NBPF19: variants seen among roughly 807,000 people sequenced by gnomAD.
NBPF19 encodes the protein NBPF member 19.
Under a neutral mutation model 45.9 loss-of-function variants are expected in NBPF19, and 30 were observed. That is an observed-to-expected ratio of 0.65 (90% CI 0.49 to 0.89). NBPF19 has a LOEUF of 0.89. Ranked by LOEUF, NBPF19 falls within the 40% of genes least tolerant of loss-of-function variation. The pLI is 0.00. For synonymous variants in NBPF19, 183 were observed against 181.2 expected, an observed-to-expected ratio of 1.01 and a Z score of -0.08; for missense variants, 495 against 471.8, an observed-to-expected ratio of 1.05 and a Z score of -0.46.
chr1:149,484,501 AATATAT>A (rs1553710000), intron 7 of NBPF19, among the ~76,000 whole-genome samples: 1 of 140,578 alleles, frequency 7.1e-6, no homozygotes. Flanking sequence ...TATTAAAAAA[AATATAT>A]ATATATATAC....
At position 149,555,074 on chromosome 1, in the gene NBPF19, A is replaced by C. The variant is rs1230230295; in HGVS notation, c.*336A>C. On this transcript the variant is annotated 3_prime_UTR_variant, in exon 94 of 94. Coordinates refer to ENST00000651566, the MANE Select transcript of NBPF19 (RefSeq NM_001351365.2). ...TGTCTCTGAGCTTCTATACCTGCTC[A>C]AGGTCAGTGTCATCTTTGTGTTTAG... 3 of 380,232 alleles carry C rather than the reference A, an allele frequency of 7.9e-6. No homozygotes were observed. Among genetic ancestry groups the C allele is most frequent in the Non-Finnish European group, 1.5e-5 (3 of 204,020 alleles). 23.6% of individuals were successfully genotyped at this position (380,232 alleles called of 1,614,324 possible).
intron 7 of NBPF19, among the ~76,000 whole-genome samples, chr1:149,484,494 TA>T (rs1332210179): frequency 1.2e-4 from 17 of 144,534 alleles, no homozygotes; most frequent in African/African-American, 2.6e-4. Context: ...CTTAAAGTAT[TA>T]AAAAAAATAT....
At position 149,554,700 on chromosome 1, in the gene NBPF19, C is replaced by T. The variant is rs1478273370; in HGVS notation, c.11494C>T (p.His3832Tyr). ...RFFTLTVTSLHLVFQMLVIFP... is the reference protein window; with the variant it reads ...RFFTLTVTSLYLVFQMLVIFP... ...TTTTACTTTGACGGTGACAAGTCTC[C>T]ATCTGGTGTTCCAGATGTTAGTCAT... Residue 3832 changes from histidine to tyrosine, a missense_variant, in exon 94 of 94, where the codon CAT (histidine) becomes TAT (tyrosine). By Grantham distance (83) the His-to-Tyr change is moderately conservative (BLOSUM62 2). Transcript: ENST00000651566. 5.8e-5 allele frequency: 93 copies of T among 1,608,120 alleles called. 3 individuals are homozygous for T. In the South Asian group the frequency reaches 9.7e-4, roughly 17 times the overall value.
intron 3 of NBPF19, 29 bp downstream of exon 3, chr1:149,478,076 G>A (rs1420369668): frequency 8.4e-6 from 13 of 1,546,174 alleles, no homozygotes; most frequent in African/African-American, 1.4e-5. Flanking sequence ...GGGAGGGCAG[G>A]CGGGTAGGTG....
At chr1:149,491,030 A>G (rs1214977445) in intron 13 of NBPF19, 109 bp from the exon 14 acceptor site, 1 of 451,072 alleles carries the variant, frequency 2.2e-6, no homozygotes, top group Non-Finnish European at 3.8e-6. Flanking sequence ...TAATGGATCT[A>G]TCCTTTTACT....
chr1:149,521,094 C>G (rs1287427630), intron 51 of NBPF19, among the ~76,000 whole-genome samples: 1 of 82,930 alleles, frequency 1.2e-5, no homozygotes, highest in Non-Finnish European at 2.6e-5. Context: ...CTGTCTCTCT[C>G]TCTGTCTCTG....
In NBPF19 at chr1:149,484,443, A is replaced by G. The variant is rs1190091150; in HGVS notation, c.825-1687A>G. 1.9e-4 allele frequency among the ~76,000 whole-genome samples: 28 copies of G among 144,520 alleles called. 2 individuals carry two copies. Among genetic ancestry groups the G allele is most frequent in the African/African-American group, 6.5e-4 (25 of 38,538 alleles). 94.8% of individuals were successfully genotyped at this position (144,520 alleles called of 152,430 possible). Reference sequence around the variant, plus strand: ...AGCACGCCAATGTGGACATGTATACATATGTAACTAACCTGCACGTTGTGC... The same window carrying G: ...AGCACGCCAATGTGGACATGTATACGTATGTAACTAACCTGCACGTTGTGC... On this transcript the variant is annotated intron_variant, in intron 7 of 93. Coordinates refer to ENST00000651566, the MANE Select transcript of NBPF19 (RefSeq NM_001351365.2).
chr1:149,488,292 G>C, intron 10 of NBPF19, 107 bp downstream of exon 10: 1 of 576,740 alleles, frequency 1.7e-6, no homozygotes, highest in South Asian at 2.0e-5. Context: ...CATTGCCACA[G>C]GGAGGACCTA....
intron 9 of NBPF19, 137 bp downstream of exon 9, chr1:149,487,520 T>C (rs2085619652): frequency 9.0e-6 from 9 of 999,732 alleles, no homozygotes; most frequent in East Asian, 2.4e-5. Context: ...CATTGCTTTT[T>C]TGTTCTCATT....
At position 149,490,921 on chromosome 1, in the gene NBPF19, C is replaced by CGTGT. The variant is rs1159751982; in HGVS notation, c.1491-197_1491-194dup. On this transcript the variant is annotated intron_variant, in intron 13 of 93. Transcript: ENST00000651566. ...CTCTGTGTGTGTGTGTGTGTGTGTG[C>CGTGT]GTGTGTGTGTGTGTGTGTGTGTGTC... is the stretch of plus-strand genomic sequence containing the variant. Among the ~76,000 whole-genome samples, 307 of 126,020 alleles carry CGTGT rather than the reference C, an allele frequency of 2.4e-3. 23 individuals are homozygous for CGTGT. The highest frequency in any genetic ancestry group is 3.1e-3 in the African/African-American group (98 of 31,638). The allele number at this position is 126,020 out of a possible 152,430, so 82.7% of individuals were successfully genotyped here.
chr1:149,554,522 A>G lies in NBPF19; in HGVS notation c.11316A>G (p.Glu3772=). Residue 3772 remains glutamate (E), a synonymous_variant, in exon 94 of 94, where the codon GAA becomes GAG. Coordinates refer to ENST00000651566, the MANE Select transcript of NBPF19 (RefSeq NM_001351365.2). ...TCAACAGCGTGCTGATGGAAGTGGA[A>G]GAGCCTGAAGTCTTACAGGACTCAC... ...PRLNSVLMEV[E]EPEVLQDSLD... 1.1e-5 allele frequency: 17 copies of G among 1,608,228 alleles called. 1 individual carries two copies. The highest frequency in any genetic ancestry group is 8.0e-5 in the African/African-American group (6 of 74,776).
intron 13 of NBPF19, among the ~76,000 whole-genome samples, chr1:149,490,919 T>TGC (rs1239903588): frequency 1.5e-5 from 2 of 130,480 alleles, no homozygotes; most frequent in Non-Finnish European, 3.3e-5. Flanking sequence ...TGTGTGTGTG[T>TGC]GCGTGTGTGT....
chr1:149,554,210 G>C lies in NBPF19; in HGVS notation c.11289-285G>C, dbSNP rs1298426719. Among the ~76,000 whole-genome samples the C allele has an allele frequency of 2.0e-3, 308 of 150,726 alleles. 1 individual carries two copies. The highest frequency in any genetic ancestry group is 3.4e-3 in the Middle Eastern group (1 of 292). On this transcript the variant is annotated intron_variant, in intron 93 of 93. Transcript: ENST00000651566. ...TGTGTGTCATGAGGGCACTAACTCA[G>C]AGTGTCCTTTTACTCCCTTACCAGT...
At chr1:149,478,600 T>C (rs2084988480) in intron 3 of NBPF19, among the ~76,000 whole-genome samples, 1 of 151,096 alleles carries the variant, frequency 6.6e-6, no homozygotes, top group Non-Finnish European at 1.5e-5. Flanking sequence ...TGAAAGGATG[T>C]CTTTTTGAAA....
chr1:149,487,454 T>A (rs1449571879), intron 9 of NBPF19, 71 bp downstream of exon 9: 3 of 939,712 alleles, frequency 3.2e-6, no homozygotes, highest in Non-Finnish European at 5.2e-6. Flanking sequence ...GGGAAAACAG[T>A]ACATGCTGAA....
intron 8 of NBPF19, 150 bp downstream of exon 8, chr1:149,486,443 G>A (rs1212748980): frequency 5.8e-6 from 4 of 693,076 alleles, no homozygotes; most frequent in East Asian, 2.7e-5. Context: ...TCACTCTGGA[G>A]TCAAGTCTGA....
Position 149,554,642 on chromosome 1 carries a change from T to C in NBPF19, c.11436T>C (p.His3812=), listed in dbSNP as rs2087200266. ...TGTTTTACTCATTTGAGGAAGAGCA[T>C]ATCAGCTTCGCCCTTTACTTGGACA... The part of the protein sequence containing the change: ...RSVFYSFEEE[H]ISFALYLDNR... Residue 3812 remains histidine, a synonymous_variant, in exon 94 of 94, where the codon CAT becomes CAC. Coordinates refer to ENST00000651566, the MANE Select transcript of NBPF19 (RefSeq NM_001351365.2). 2.5e-6 allele frequency: 4 copies of C among 1,608,236 alleles called. No individual in the cohort carries two copies. The highest frequency in any genetic ancestry group is 2.2e-5 in the East Asian group (1 of 44,860).
chr1:149,528,946 TG>T (rs1314260119), intron 61 of NBPF19, among the ~76,000 whole-genome samples: 3 of 102,088 alleles, frequency 2.9e-5, no homozygotes, highest in African/African-American at 1.2e-4. Context: ...TCTCTCTCTC[TG>T]TGTGTGTGTG....
Position 149,477,728 on chromosome 1 carries a change from T to C in NBPF19, c.176-217T>C, listed in dbSNP as rs1444766930. On this transcript the variant is annotated intron_variant, in intron 2 of 93. Transcript: ENST00000651566. ...TGAATCATCTTGTCAACTTCCTTGA[T>C]GCGCCCTTGAGTTTCTCTTTCTTCG... Among the ~76,000 whole-genome samples, 10 of 151,366 alleles carry C rather than the reference T, an allele frequency of 6.6e-5. No individual in the cohort carries two copies. The East Asian group carries it at 1.7e-3, about 26-fold the overall frequency.
Sources: allele counts gnomAD v4.1 joint callset (sites outside exome capture counted in the v4.1 genomes callset), GRCh38; gene constraint gnomAD v4.1.1; transcripts MANE v1.5; gene names NCBI Gene and HGNC (gene_info 2026-07-23, HGNC 2026-07-21).